Variants in ZNF490 observed in about 807,000 individuals in gnomAD.
ZNF490 encodes the protein zinc finger protein 490.
ZNF490 carries 11 observed loss-of-function variants against 17.7 expected under a neutral mutation model. That is an observed-to-expected ratio of 0.62 (90% confidence interval 0.39 to 1.03). The LOEUF is 1.03. ZNF490 is among the 50% of genes least tolerant of loss of function. The probability of loss-of-function intolerance (pLI) is 0.00; values close to 1 mark genes in which losing one functional copy is unlikely to be tolerated. For synonymous variants in ZNF490, 222 were observed against 216.1 expected, an observed-to-expected ratio of 1.03 and a Z score of -0.24; for missense variants, 542 against 643.4, an observed-to-expected ratio of 0.84 and a Z score of 1.71.
chr19:12,591,520 A>T (rs1183186441), intron 2 of ZNF490, among the ~76,000 whole-genome samples: 1 of 152,178 alleles, frequency 6.6e-6, no homozygotes, highest in Non-Finnish European at 1.5e-5. Context: ...TACTAAAAGA[A>T]CTATTAAAAC....
chr19:12,584,369 G>C lies in ZNF490; in HGVS notation c.163-813C>G, dbSNP rs1330058289. ...GACGGGGTTTCACCATGTTAGCCAG[G>C]ATGGTCTTGATCTCCTGACCTCGTG... On this transcript the variant is annotated intron_variant, in intron 2 of 4. Transcript: ENST00000311437. Among the ~76,000 whole-genome samples, 2 of 89,270 alleles carry C rather than the reference G, an allele frequency of 2.2e-5. 1 individual carries two copies. Among genetic ancestry groups the C allele is most frequent in the African/African-American group, 6.8e-5 (2 of 29,594 alleles). The allele number at this position is 89,270 out of a possible 152,430, so 58.6% of individuals were successfully genotyped here.
At position 12,578,215 on chromosome 19, in the gene ZNF490, A is replaced by G. The variant is rs532536361; in HGVS notation, c.*2270T>C. 7 of 985,544 alleles carry G rather than the reference A, an allele frequency of 7.1e-6. No homozygotes were observed. The South Asian group carries it at 3.3e-4, about 46-fold the overall frequency. The allele number at this position is 985,544 out of a possible 1,614,324, so 61.0% of individuals were successfully genotyped here. On this transcript the variant is annotated 3_prime_UTR_variant, in exon 5 of 5. Transcript: ENST00000311437. ...GCATCATCAGTGCATATGCCGCTGA[A>G]TATCTCAGGGTAGAATGTGCCAGAA...
chr19:12,588,522 C>T (rs74636691), intron 2 of ZNF490, among the ~76,000 whole-genome samples: 4,619 of 152,244 alleles, frequency 0.03, 84 homozygotes, highest in Non-Finnish European at 0.047. Context: ...TTCACTGGTA[C>T]AGCTGTATAT....
chr19:12,576,403 G>A lies in ZNF490; in HGVS notation c.*4082C>T, dbSNP rs991178069. On this transcript the variant is annotated 3_prime_UTR_variant, in exon 5 of 5. Coordinates refer to ENST00000311437, the MANE Select transcript of ZNF490 (RefSeq NM_020714.3). ...CGCCTGTAATCCCAGCTACTCAGGA[G>A]GCTGAAACAGGAGAATTGCTTGAAC... 6.6e-6 allele frequency among the ~76,000 whole-genome samples: 1 copy of A among 151,800 alleles called. No individual in the cohort carries two copies.
intron 2 of ZNF490, among the ~76,000 whole-genome samples, chr19:12,594,303 T>C (rs2022906928): frequency 6.6e-6 from 1 of 151,914 alleles, no homozygotes; most frequent in Admixed American, 6.6e-5. Context: ...CCGTCTCTAC[T>C]AAAAATACAA....
intron 2 of ZNF490, chr19:12,597,239 C>A: frequency 2.2e-6 from 1 of 456,384 alleles, no homozygotes; most frequent in Non-Finnish European, 4.4e-6. Context: ...CGCAGAGCCA[C>A]AGACAGTCCG....
At position 12,609,196 on chromosome 19, in the gene ZNF490, T is replaced by A. The variant is rs201522999; in HGVS notation, c.124A>T (p.Asn42Tyr). Residue 42 changes from asparagine to tyrosine, a missense_variant, in exon 2 of 5, where the codon AAC becomes TAC. Asn to Tyr is a moderately radical substitution (Grantham distance 143). Transcript: ENST00000311437. ...TGGSDVLQMQ[N>Y]SEHHGQSIKT... ...ATGCTTTGTCCATGGTGTTCACTGT[T>A]CTGCATCTAATTAGAAACAAGAGGA... The A allele has an allele frequency of 1.7e-4, 280 of 1,614,116 alleles. No homozygotes were observed. The highest frequency in any genetic ancestry group is 8.3e-4 in the Admixed American group (50 of 60,006).
intron 2 of ZNF490, among the ~76,000 whole-genome samples, chr19:12,589,906 GTATGTATT>G (rs56154465): frequency 0.48 from 68,309 of 142,476 alleles, 17,255 homozygotes; most frequent in Non-Finnish European, 0.59. Context: ...ATGTATGTAT[GTATGTATT>G]TATTTATTTA....
In ZNF490 at chr19:12,580,532, T is replaced by C. The variant is rs1950265885; in HGVS notation, c.1543A>G (p.Lys515Glu). The C allele has an allele frequency of 6.2e-7, 1 of 1,612,522 alleles. No individual in the cohort carries two copies. Among genetic ancestry groups the C allele is most frequent in the South Asian group, 1.1e-5 (1 of 90,938 alleles). Residue 515 changes from lysine (K) to glutamate (E), a missense_variant, in exon 5 of 5, where the codon AAG becomes GAG. Lys to Glu is a moderately conservative substitution (Grantham distance 56, BLOSUM62 1). Coordinates refer to ENST00000311437, the MANE Select transcript of ZNF490 (RefSeq NM_020714.3). ...RQCGKAFSYSKSLHVHERTHS... is the reference protein window; with the variant it reads ...RQCGKAFSYSESLHVHERTHS... ...GTCCTTTCGTGCACGTGCAAAGACTTTGAGTAACTGAAGGCTTTACCACAT... is the reference window on the plus strand; with the variant it reads ...GTCCTTTCGTGCACGTGCAAAGACTCTGAGTAACTGAAGGCTTTACCACAT...
rs2022697567 is a variant in ZNF490, at chr19:12,579,647, C to T, written c.*838G>A. 6.6e-6 allele frequency: 1 copy of T among 151,856 alleles called. No individual in the cohort carries two copies. 9.4% of individuals were successfully genotyped at this position (151,856 alleles called of 1,614,324 possible). ...TCAACATGGTGAAACACTGTCTCTA[C>T]TAAAAATATAAAAATTAGCTGGGCA... On this transcript the variant is annotated 3_prime_UTR_variant, in exon 5 of 5. Transcript: ENST00000311437.
intron 2 of ZNF490, among the ~76,000 whole-genome samples, chr19:12,594,729 CA>C (rs984907061): frequency 3.9e-5 from 6 of 152,284 alleles, no homozygotes; most frequent in Admixed American, 3.9e-4. Flanking sequence ...GCAGAGGTTG[CA>C]GTGAGCTGAG....
Position 12,578,238 on chromosome 19 carries a change from GA to G in ZNF490, c.*2246del, listed in dbSNP as rs2022672202. The G allele has an allele frequency of 1.0e-6, 1 of 985,466 alleles. No homozygotes were observed. Among genetic ancestry groups the G allele is most frequent in the Non-Finnish European group, 1.2e-6 (1 of 830,060 alleles). The allele number at this position is 985,466 out of a possible 1,614,324, so 61.0% of individuals were successfully genotyped here. A position where few individuals can be genotyped will look rare whatever the true frequency, so the allele number is the denominator to read the frequency against. The stretch of plus-strand genomic sequence containing the variant: ...GAATATCTCAGGGTAGAATGTGCCA[GA>G]AAACAGGGAAAGCAAGTTAGGGGAG... On this transcript the variant is annotated 3_prime_UTR_variant, in exon 5 of 5. Transcript: ENST00000311437.
intron 2 of ZNF490, among the ~76,000 whole-genome samples, chr19:12,597,944 G>A (rs1043812397): frequency 2.0e-5 from 3 of 152,106 alleles, no homozygotes; most frequent in African/African-American, 4.8e-5. Context: ...TATAGATTCC[G>A]GCCGGGTGCG....
intron 2 of ZNF490, among the ~76,000 whole-genome samples, chr19:12,601,315 G>A (rs2023000852): frequency 1.3e-5 from 2 of 151,808 alleles, no homozygotes; most frequent in Admixed American, 6.6e-5. Context: ...GTGAACCCGG[G>A]AGGCGAAGGT....
chr19:12,593,116 C>T (rs1425039325), intron 2 of ZNF490, among the ~76,000 whole-genome samples: 1 of 152,132 alleles, frequency 6.6e-6, no homozygotes, highest in African/African-American at 2.4e-5. Context: ...CAGTAGTGTC[C>T]GGAACTCTTG....
At position 12,596,265 on chromosome 19, in the gene ZNF490, A is replaced by AAAAAAAC. The variant is rs958526934; in HGVS notation, c.163-12710_163-12709insGTTTTTT. 8.4e-4 allele frequency among the ~76,000 whole-genome samples: 26 copies of AAAAAAAC among 30,948 alleles called. 2 individuals are homozygous for AAAAAAAC. The highest frequency in any genetic ancestry group is 5.5e-4 in the Admixed American group (2 of 3,622). The allele number at this position is 30,948 out of a possible 152,430, so 20.3% of individuals were successfully genotyped here. On this transcript the variant is annotated intron_variant, in intron 2 of 4. Transcript: ENST00000311437. The stretch of plus-strand genomic sequence containing the variant: ...GGGCGACAGAGAAAGACTCCGTCTC[A>AAAAAAAC]AAAAAAAAAAAAAAAGTGATTTGAT...
At position 12,610,786 on chromosome 19, in the gene ZNF490, G is replaced by T. The variant is rs2288453; in HGVS notation, c.-106C>A. ...ATTGTCCACGGAGGGCACCAGTTCC[G>T]TCCCACCGGCGGAAGCGAGATCTGC... On this transcript the variant is annotated 5_prime_UTR_variant, in exon 1 of 5. Transcript: ENST00000311437. The T allele has an allele frequency of 4.2e-6, 5 of 1,193,984 alleles. No homozygotes were observed. The highest frequency in any genetic ancestry group is 1.3e-5 in the South Asian group (1 of 79,792). 74.0% of individuals were successfully genotyped at this position (1,193,984 alleles called of 1,614,324 possible).
chr19:12,593,350 C>T (rs796474443), intron 2 of ZNF490, among the ~76,000 whole-genome samples: 1 of 151,788 alleles, frequency 6.6e-6, no homozygotes, highest in East Asian at 1.9e-4. Flanking sequence ...CAGGTTCAAG[C>T]GATTCTCCTG....
At position 12,580,636 on chromosome 19, in the gene ZNF490, C is replaced by A. The variant is rs924315276; in HGVS notation, c.1439G>T (p.Gly480Val). 6.2e-7 allele frequency: 1 copy of A among 1,614,080 alleles called. No individual in the cohort carries two copies. Among genetic ancestry groups the A allele is most frequent in the African/African-American group, 1.3e-5 (1 of 74,920 alleles). Reference sequence around the variant, plus strand: ...GGAATTTAAACAAGTGAAAGCTTTGCCACACTGCTTACACTCACATGGTTT... The same window carrying A: ...GGAATTTAAACAAGTGAAAGCTTTGACACACTGCTTACACTCACATGGTTT... Reference protein sequence around the residue: ...GVKPCECKQCGKAFTCLNSLK... With the variant: ...GVKPCECKQCVKAFTCLNSLK... The change falls in exon 5 of 5, where the codon GGC (glycine) becomes GTC (valine). Residue 480 changes from glycine (G) to valine (V), a missense_variant. Transcript: ENST00000311437.
Sources: allele counts gnomAD v4.1 joint callset (sites outside exome capture counted in the v4.1 genomes callset), GRCh38; gene constraint gnomAD v4.1.1; transcripts MANE v1.5; gene names NCBI Gene and HGNC (gene_info 2026-07-23, HGNC 2026-07-21).